Variants in FGF8 observed in about 807,000 individuals in gnomAD.
FGF8 encodes fibroblast growth factor 8, also known as androgen-induced growth factor.
A neutral mutation model predicts 29.7 loss-of-function variants in FGF8; 12 were observed. The observed-to-expected ratio is 0.40, with a 90% CI of 0.26 to 0.65. The LOEUF is 0.65. Ranked by LOEUF, FGF8 falls within the 30% of genes least tolerant of loss-of-function variation. The pLI, the probability that FGF8 is intolerant of heterozygous loss-of-function variation, is 0.37. For synonymous variants in FGF8, 157 were observed against 144.4 expected, an observed-to-expected ratio of 1.09 and a Z score of -0.63; for missense variants, 271 against 345.1, an observed-to-expected ratio of 0.79 and a Z score of 1.70.
At chr10:101,773,943 T>C (rs1360317796) in intron 4 of FGF8, among the ~76,000 whole-genome samples, 1 of 152,242 alleles carries the variant, frequency 6.6e-6, no homozygotes, top group African/African-American at 2.4e-5. Flanking sequence ...CACCTTTTTA[T>C]TACATTTTAA....
At position 101,774,970 on chromosome 10, in the gene FGF8, C is replaced by T. The variant is rs1048103260; in HGVS notation, c.157-58G>A. The T allele has an allele frequency of 5.2e-5, 83 of 1,588,224 alleles. 1 individual carries two copies. The East Asian group carries it at 1.8e-3, about 34-fold the overall frequency. On this transcript the variant is annotated intron_variant, in intron 3 of 5. Transcript: ENST00000320185. ...TTATAATGCTACTCCGCCCAGGGGC[C>T]CGAGTGGCCCCATCACCCTGCGTCC...
chr10:101,779,926 C>T (rs2065129790), upstream of FGF8, among the ~76,000 whole-genome samples: 2 of 152,258 alleles, frequency 1.3e-5, no homozygotes, highest in African/African-American at 4.8e-5. This position sits in a 1 kb window ranked among gnomAD's most constrained non-coding sequence, Gnocchi z 5.7. Context: ...GTGGCATTCC[C>T]CCGCCTTCCG....
chr10:101,777,251 G>T (rs964877516), upstream of FGF8, among the ~76,000 whole-genome samples: 2 of 152,120 alleles, frequency 1.3e-5, no homozygotes, highest in Admixed American at 6.5e-5. Context: ...TGCTTCTGTG[G>T]GAGCAGCCTG....
rs570874523 is a variant in FGF8, at chr10:101,775,648, C to T, written c.69+92G>A. ...GTGCCCTCAGCCCTCCCGCGCCGGC[C>T]GCAGAGTCAGTCCCGGTGCCCCCGA... On this transcript the variant is annotated intron_variant, in intron 2 of 5. Coordinates refer to ENST00000320185, the MANE Select transcript of FGF8 (RefSeq NM_033163.5). This position sits in a 1 kb window ranked among gnomAD's most constrained non-coding sequence, Gnocchi z 4.6. 426 of 1,439,108 alleles carry T rather than the reference C, an allele frequency of 3.0e-4. 2 individuals are homozygous for T. In the South Asian group the frequency reaches 5.0e-3, roughly 17 times the overall value. The allele number at this position is 1,439,108 out of a possible 1,614,324, so 89.1% of individuals were successfully genotyped here. A position where few individuals can be genotyped will look rare whatever the true frequency, so the allele number is the denominator to read the frequency against.
Position 101,771,406 on chromosome 10 carries a change from G to C in FGF8, c.444+57C>G. 1 of 1,350,862 alleles carries C rather than the reference G, an allele frequency of 7.4e-7. No homozygotes were observed. The allele number at this position is 1,350,862 out of a possible 1,614,324, so 83.7% of individuals were successfully genotyped here. ...CCCAGGACTGTCTTGGAGGAGTCCAGCCAGCCCAAGCCACTCCCTAGGTCC... is the reference window on the plus strand; with the variant it reads ...CCCAGGACTGTCTTGGAGGAGTCCACCCAGCCCAAGCCACTCCCTAGGTCC... On this transcript the variant is annotated intron_variant, in intron 5 of 5. Coordinates refer to ENST00000320185, the MANE Select transcript of FGF8 (RefSeq NM_033163.5). The surrounding 1 kb of genome is among the most constrained non-coding windows in gnomAD (Gnocchi z 5.3).
In FGF8 at chr10:101,771,746, G is replaced by A. The variant is rs745920134; in HGVS notation, c.338-177C>T. ...CAGAGAAAGGGCTTTTCTGGACCTC[G>A]GGCCCCACCCCTGGGTTTACAGAGG... On this transcript the variant is annotated intron_variant, in intron 4 of 5. Transcript: ENST00000320185. This position sits in a 1 kb window ranked among gnomAD's most constrained non-coding sequence, Gnocchi z 5.3. 1.2e-4 allele frequency among the ~76,000 whole-genome samples: 19 copies of A among 152,142 alleles called. No individual in the cohort carries two copies. The highest frequency in any genetic ancestry group is 1.9e-4 in the Non-Finnish European group (13 of 68,024).
rs575606828 is a variant in FGF8, at chr10:101,772,483, C to T, written c.338-914G>A. Among the ~76,000 whole-genome samples the T allele has an allele frequency of 6.6e-6, 1 of 152,274 alleles. No homozygotes were observed. Among genetic ancestry groups the T allele is most frequent in the Admixed American group, 6.5e-5 (1 of 15,306 alleles). On this transcript the variant is annotated intron_variant, in intron 4 of 5. Coordinates refer to ENST00000320185, the MANE Select transcript of FGF8 (RefSeq NM_033163.5). This position sits in a 1 kb window ranked among gnomAD's most constrained non-coding sequence, Gnocchi z 4.4. ...CCCTCCCCTTAGACAGCCAACTTGC[C>T]ACAGAAGCCTGTCCTGTTCACCTCT...
Position 101,772,057 on chromosome 10 carries a change from G to A in FGF8, c.338-488C>T, listed in dbSNP as rs1223364023. On this transcript the variant is annotated intron_variant, in intron 4 of 5. Transcript: ENST00000320185. The surrounding 1 kb of genome is among the most constrained non-coding windows in gnomAD (Gnocchi z 4.4). Reference sequence around the variant, plus strand: ...TCCAGTCCCAAGGCCAAAGATGAAAGCATTGTCTCCTGTTTCTGCCACTTT... The same window carrying A: ...TCCAGTCCCAAGGCCAAAGATGAAAACATTGTCTCCTGTTTCTGCCACTTT... Among the ~76,000 whole-genome samples the A allele has an allele frequency of 6.6e-6, 1 of 152,218 alleles. No individual in the cohort carries two copies. The highest frequency in any genetic ancestry group is 2.4e-5 in the African/African-American group (1 of 41,458).
upstream of FGF8, chr10:101,780,360 G>A (rs1433830010): frequency 1.3e-5 from 2 of 152,226 alleles, no homozygotes; most frequent in African/African-American, 4.8e-5. Context: ...CGGTACTGCG[G>A]ACGCAAGGTC....
Position 101,775,811 on chromosome 10 carries a change from G to A in FGF8, c.33-35C>T. The A allele has an allele frequency of 6.5e-7, 1 of 1,536,432 alleles. No homozygotes were observed. Among genetic ancestry groups the A allele is most frequent in the Non-Finnish European group, 8.7e-7 (1 of 1,143,042 alleles). On this transcript the variant is annotated intron_variant, in intron 1 of 5. Transcript: ENST00000320185. This position sits in a 1 kb window ranked among gnomAD's most constrained non-coding sequence, Gnocchi z 4.6. Reference sequence around the variant, plus strand: ...ACAAAAGCGGGCGGGAGAGAGAGGCGCGGGTGAGGCGAGGGGCGCGGGGGG... The same window carrying A: ...ACAAAAGCGGGCGGGAGAGAGAGGCACGGGTGAGGCGAGGGGCGCGGGGGG...
In FGF8 at chr10:101,771,581, G is replaced by GGTA. The variant is rs749565857; in HGVS notation, c.338-15_338-13dup. The GGTA allele has an allele frequency of 5.6e-6, 9 of 1,610,908 alleles. No homozygotes were observed. The highest frequency in any genetic ancestry group is 6.8e-6 in the Non-Finnish European group (8 of 1,177,134). ...CACGATGAGCTTTGCTGTCAGAGAA[G>GGTA]GTAGCAGGATGGCTATTGGCAGATC... On this transcript the variant is annotated splice_polypyrimidine_tract_variant and intron_variant, in intron 4 of 5. Coordinates refer to ENST00000320185, the MANE Select transcript of FGF8 (RefSeq NM_033163.5). This position sits in a 1 kb window ranked among gnomAD's most constrained non-coding sequence, Gnocchi z 5.3.
At chr10:101,780,300 G>C (rs1182933030), upstream of FGF8, 1 of 152,334 alleles carries the variant, frequency 6.6e-6, no homozygotes, top group African/African-American at 2.4e-5. Flanking sequence ...CCTCACCACG[G>C]GCTGGGGGAG....
Position 101,771,952 on chromosome 10 carries a change from CTCCGAGGA to C in FGF8, c.338-391_338-384del, listed in dbSNP as rs1363891348. Among the ~76,000 whole-genome samples the C allele has an allele frequency of 6.6e-6, 1 of 152,260 alleles. No individual in the cohort carries two copies. Among genetic ancestry groups the C allele is most frequent in the Non-Finnish European group, 1.5e-5 (1 of 68,050 alleles). ...AGAGTTCCATAGCTAATCAAAAGAT[CTCCGAGGA>C]TCCTTCCAACTCCAAATATTATGTG... On this transcript the variant is annotated intron_variant, in intron 4 of 5. Coordinates refer to ENST00000320185, the MANE Select transcript of FGF8 (RefSeq NM_033163.5). The surrounding 1 kb of genome is among the most constrained non-coding windows in gnomAD (Gnocchi z 5.3).
At chr10:101,779,327 C>G (rs1303742054), upstream of FGF8, among the ~76,000 whole-genome samples, 3 of 152,246 alleles carry the variant, frequency 2.0e-5, no homozygotes, top group Non-Finnish European at 4.4e-5. The surrounding 1 kb of genome is among the most constrained non-coding windows in gnomAD (Gnocchi z 5.7). Context: ...TCCCTCGGCC[C>G]CCAAATAGAA....
In FGF8 at chr10:101,772,226, C is replaced by G. The variant is rs1347934220; in HGVS notation, c.338-657G>C. On this transcript the variant is annotated intron_variant, in intron 4 of 5. Transcript: ENST00000320185. This position sits in a 1 kb window ranked among gnomAD's most constrained non-coding sequence, Gnocchi z 4.4. ...GCTTTCCCAGAACCTCAGACACCTG[C>G]CAGGAGGATCCTGCCTCTTCCCTGT... Among the ~76,000 whole-genome samples the G allele has an allele frequency of 2.6e-5, 4 of 152,248 alleles. No individual in the cohort carries two copies. Among genetic ancestry groups the G allele is most frequent in the African/African-American group, 9.6e-5 (4 of 41,474 alleles).
rs942451425 is a variant in FGF8, at chr10:101,771,750, C to A, written c.338-181G>T. 2.6e-5 allele frequency among the ~76,000 whole-genome samples: 4 copies of A among 152,166 alleles called. No individual in the cohort carries two copies. The highest frequency in any genetic ancestry group is 4.4e-5 in the Non-Finnish European group (3 of 68,032). On this transcript the variant is annotated intron_variant, in intron 4 of 5. Coordinates refer to ENST00000320185, the MANE Select transcript of FGF8 (RefSeq NM_033163.5). The surrounding 1 kb of genome is among the most constrained non-coding windows in gnomAD (Gnocchi z 5.3). Reference sequence around the variant, plus strand: ...GAAAGGGCTTTTCTGGACCTCGGGCCCCACCCCTGGGTTTACAGAGGGCAG... The same window carrying A: ...GAAAGGGCTTTTCTGGACCTCGGGCACCACCCCTGGGTTTACAGAGGGCAG...
In FGF8 at chr10:101,770,141, TAAAA is replaced by T. The variant is rs11322844; in HGVS notation, c.*184_*187del. 624 of 391,750 alleles carry T rather than the reference TAAAA, an allele frequency of 1.6e-3. No individual in the cohort carries two copies. Among genetic ancestry groups the T allele is most frequent in the South Asian group, 3.8e-3 (72 of 18,788 alleles). 24.3% of individuals were successfully genotyped at this position (391,750 alleles called of 1,614,324 possible). A position where few individuals can be genotyped will look rare whatever the true frequency, so the allele number is the denominator to read the frequency against. On this transcript the variant is annotated 3_prime_UTR_variant, in exon 6 of 6. Transcript: ENST00000320185. Reference sequence around the variant, plus strand: ...CAAAAATAGAGCCTCTCTTTTGTTTTAAAAAAAAAAAAAAAAAAAAAAACAGCAA... The same window carrying T: ...CAAAAATAGAGCCTCTCTTTTGTTTTAAAAAAAAAAAAAAAAAAACAGCAA...
chr10:101,770,135 T>C lies in FGF8; in HGVS notation c.*194A>G, dbSNP rs1418506507. On this transcript the variant is annotated 3_prime_UTR_variant, in exon 6 of 6. Coordinates refer to ENST00000320185, the MANE Select transcript of FGF8 (RefSeq NM_033163.5). ...GGAATACAAAAATAGAGCCTCTCTT[T>C]TGTTTTAAAAAAAAAAAAAAAAAAA... is the stretch of plus-strand genomic sequence containing the variant. 7.2e-6 allele frequency: 4 copies of C among 556,014 alleles called. No individual in the cohort carries two copies. Among genetic ancestry groups the C allele is most frequent in the Non-Finnish European group, 1.2e-5 (4 of 324,414 alleles). The allele number at this position is 556,014 out of a possible 1,614,324, so 34.4% of individuals were successfully genotyped here. A position where few individuals can be genotyped will look rare whatever the true frequency, so the allele number is the denominator to read the frequency against.
At position 101,772,079 on chromosome 10, in the gene FGF8, C is replaced by T. The variant is rs764897835; in HGVS notation, c.338-510G>A. The stretch of plus-strand genomic sequence containing the variant: ...AAAGCATTGTCTCCTGTTTCTGCCA[C>T]TTTGGGTTCTAACTCACAGCTTTGG... On this transcript the variant is annotated intron_variant, in intron 4 of 5. Coordinates refer to ENST00000320185, the MANE Select transcript of FGF8 (RefSeq NM_033163.5). This position sits in a 1 kb window ranked among gnomAD's most constrained non-coding sequence, Gnocchi z 4.4. Among the ~76,000 whole-genome samples, 44 of 152,222 alleles carry T rather than the reference C, an allele frequency of 2.9e-4. 1 individual carries two copies. Among genetic ancestry groups the T allele is most frequent in the Admixed American group, 1.2e-3 (19 of 15,286 alleles).
Sources: gnomAD v4.1 joint callset for allele counts (sites outside exome capture counted in the v4.1 genomes callset) on GRCh38, gnomAD v4.1.1 for gene constraint, Gnocchi (gnomAD v3.1) non-coding constraint, MANE v1.5 for transcripts, NCBI Gene and HGNC (gene_info 2026-07-23, HGNC 2026-07-21) for gene names.